DIAPH1: variants seen among roughly 807,000 people sequenced by gnomAD.
The protein encoded by DIAPH1 is protein diaphanous homolog 1.
In DIAPH1, 46 loss-of-function variants were observed where a neutral mutation model predicts 140.7. The ratio of observed to expected loss-of-function variants is 0.33; its 90% CI spans 0.26 to 0.42. The LOEUF (loss-of-function observed/expected upper bound fraction) is 0.42. Among genes scored for constraint, DIAPH1 ranks in the 10% least tolerant of loss-of-function variants. The pLI, the probability that DIAPH1 is intolerant of heterozygous loss-of-function variation, is 1.00. For synonymous variants in DIAPH1, 565 were observed against 551.6 expected (o/e 1.02, Z -0.34); for missense variants, 1,310 against 1,558.7 (o/e 0.84, Z 2.69).
Position 141,529,689 on chromosome 5 carries a change from A to G in DIAPH1, c.2590T>C (p.Leu864=), listed in dbSNP as rs1368016215. The G allele has an allele frequency of 6.2e-7, 1 of 1,613,842 alleles. No individual in the cohort carries two copies. The highest frequency in any genetic ancestry group is 8.5e-7 in the Non-Finnish European group (1 of 1,179,876). ...SKTAQNLSIF[L]GSFRMPYQEI... is the part of the protein sequence containing the mutation. ...TGATAGGGCATGCGGAAGGAACCCA[A>G]AAAGATTGCTGCCAGAAAATGAGAT... Residue 864 remains leucine (L), a synonymous_variant, in exon 20 of 28, where the codon TTG becomes CTG. Coordinates refer to ENST00000389054, the MANE Select transcript of DIAPH1 (RefSeq NM_005219.5).
At chr5:141,588,077 CAA>C (rs2099897814) in intron 2 of DIAPH1, 145 bp downstream of exon 2, 2 of 730,648 alleles carry the variant, frequency 2.7e-6, no homozygotes, top group Non-Finnish European at 2.5e-6. Context: ...CCAAACACAG[CAA>C]AGAGTTAGGA....
At chr5:141,602,600 T>C (rs2099900328) in intron 1 of DIAPH1, among the ~76,000 whole-genome samples, 1 of 152,224 alleles carries the variant, frequency 6.6e-6, no homozygotes, top group Non-Finnish European at 1.5e-5. Flanking sequence ...TCAGTCTTCC[T>C]ATCTCTAGGG....
intron 18 of DIAPH1, among the ~76,000 whole-genome samples, chr5:141,537,008 T>TA (rs1258789280): frequency 1.3e-5 from 2 of 150,942 alleles, no homozygotes; most frequent in East Asian, 1.9e-4. Flanking sequence ...TGTCTCCATT[T>TA]AAAAAAAAAT....
chr5:141,555,547 C>A (rs1486472451), intron 18 of DIAPH1, among the ~76,000 whole-genome samples: 2 of 152,126 alleles, frequency 1.3e-5, no homozygotes, highest in Non-Finnish European at 2.9e-5. Context: ...GGGTTCCAGC[C>A]CCCATTTTCA....
At chr5:141,527,775 T>G in intron 23 of DIAPH1, 78 bp from the exon 24 acceptor site, 1 of 1,464,788 alleles carries the variant, frequency 6.8e-7, no homozygotes, top group East Asian at 2.5e-5. Flanking sequence ...CAACACCCCT[T>G]AGTTTCACCT....
intron 18 of DIAPH1, among the ~76,000 whole-genome samples, chr5:141,559,725 A>AG (rs2099893222): frequency 6.6e-6 from 1 of 152,174 alleles, no homozygotes; most frequent in African/African-American, 2.4e-5. Context: ...TGGGTGGGGA[A>AG]GGACTGGAAG....
intron 27 of DIAPH1, among the ~76,000 whole-genome samples, chr5:141,520,478 G>C (rs1404955309): frequency 2.0e-5 from 3 of 152,138 alleles, no homozygotes; most frequent in Admixed American, 2.0e-4. Flanking sequence ...TTGTTTAAAA[G>C]AGCCTGGCAT....
intron 18 of DIAPH1, among the ~76,000 whole-genome samples, chr5:141,538,408 A>G (rs1174409758): frequency 6.6e-6 from 1 of 151,164 alleles, no homozygotes; most frequent in Non-Finnish European, 1.5e-5. Context: ...GCTGGAGTGC[A>G]GTGGCACAAT....
In DIAPH1 at chr5:141,524,143, C is replaced by G. The variant is rs1185864756; in HGVS notation, c.3661G>C (p.Ala1221Pro). Reference sequence around the variant, plus strand: ...GGATGAGCTCCATGTGCTTACTTACCTTGACGGGGCCCTCTCTTCCGTCGG... The same window carrying G: ...GGATGAGCTCCATGTGCTTACTTACGTTGACGGGGCCCTCTCTTCCGTCGG... ...AFRRKRGPRQ[A>P]NRKAGCAVTS... Residue 1221 changes from alanine (A) to proline (P), a missense_variant and splice_region_variant, in exon 27 of 28, where the codon GCC becomes CCC. Ala to Pro is a conservative substitution (Grantham distance 27). Transcript: ENST00000389054. 1 of 1,614,094 alleles carries G rather than the reference C, an allele frequency of 6.2e-7. No homozygotes were observed. Among genetic ancestry groups the G allele is most frequent in the South Asian group, 1.1e-5 (1 of 91,078 alleles).
At chr5:141,583,695 ATAC>A in intron 4 of DIAPH1, 80 bp from the exon 5 acceptor site, 1 of 1,570,062 alleles carries the variant, frequency 6.4e-7, no homozygotes. Context: ...AATAGAGTTT[ATAC>A]TTTATTTTTA....
intron 1 of DIAPH1, among the ~76,000 whole-genome samples, chr5:141,616,411 T>C (rs1329438045): frequency 6.6e-6 from 1 of 152,208 alleles, no homozygotes; most frequent in Admixed American, 6.5e-5. Flanking sequence ...TTAATGGAGT[T>C]CCAGAGGACA....
intron 1 of DIAPH1, among the ~76,000 whole-genome samples, chr5:141,600,623 A>G (rs1272683292): frequency 1.3e-5 from 2 of 152,218 alleles, no homozygotes; most frequent in Non-Finnish European, 2.9e-5. Flanking sequence ...TTCATGCTTC[A>G]GTTCCCCCAT....
chr5:141,517,124 C>T (rs898096391), intron 27 of DIAPH1, 116 bp from the exon 28 acceptor site: 2 of 1,163,464 alleles, frequency 1.7e-6, no homozygotes, highest in Non-Finnish European at 2.5e-6. Context: ...GGCCACTTCA[C>T]AGAGGCCCTT....
chr5:141,616,528 C>T (rs2099902704), intron 1 of DIAPH1, among the ~76,000 whole-genome samples: 1 of 152,108 alleles, frequency 6.6e-6, no homozygotes, highest in Non-Finnish European at 1.5e-5. Context: ...GCAATCTCGC[C>T]CACTCCACCC....
chr5:141,527,889 G>A (rs1290823582), intron 23 of DIAPH1, among the ~76,000 whole-genome samples, 192 bp from the exon 24 acceptor site: 1 of 152,040 alleles, frequency 6.6e-6, no homozygotes, highest in Non-Finnish European at 1.5e-5. Context: ...TCTTTCCAGT[G>A]AAACTATAAA....
chr5:141,517,126 G>A lies in DIAPH1; in HGVS notation c.3662-118C>T, dbSNP rs976413788. On this transcript the variant is annotated intron_variant, in intron 27 of 27. Transcript: ENST00000389054. Reference sequence around the variant, plus strand: ...ACATGACTACCTTGGCCACTTCACAGAGGCCCTTACTTTGAAGAAAGGGGC... The same window carrying A: ...ACATGACTACCTTGGCCACTTCACAAAGGCCCTTACTTTGAAGAAAGGGGC... 6.0e-6 allele frequency: 7 copies of A among 1,166,306 alleles called. No homozygotes were observed. In the African/African-American group the frequency reaches 1.1e-4, roughly 18 times the overall value. The allele number at this position is 1,166,306 out of a possible 1,614,324, so 72.2% of individuals were successfully genotyped here.
chr5:141,525,476 A>G (rs911101659), intron 26 of DIAPH1, among the ~76,000 whole-genome samples: 6 of 152,190 alleles, frequency 3.9e-5, no homozygotes, highest in Admixed American at 2.0e-4. Flanking sequence ...ATGTTTCAAC[A>G]AAGACATGCT....
intron 15 of DIAPH1, 141 bp downstream of exon 15, chr5:141,574,826 T>A: frequency 1.1e-6 from 1 of 902,398 alleles, no homozygotes; most frequent in Non-Finnish European, 1.7e-6. Context: ...AACCAGTATA[T>A]TATTTTTAAA....
chr5:141,542,178 A>G (rs1388739759), intron 18 of DIAPH1, among the ~76,000 whole-genome samples: 1 of 152,234 alleles, frequency 6.6e-6, no homozygotes, highest in African/African-American at 2.4e-5. Flanking sequence ...TCATGCCTGT[A>G]ATCCCAGCAG....
Sources: gnomAD v4.1 joint callset for allele counts (sites outside exome capture counted in the v4.1 genomes callset) on GRCh38, gnomAD v4.1.1 for gene constraint, MANE v1.5 for transcripts, NCBI Gene and HGNC (gene_info 2026-07-23, HGNC 2026-07-21) for gene names.